Variants in FLT3 observed in about 807,000 individuals in gnomAD.
FLT3 encodes the protein fms related receptor tyrosine kinase 3.
Under a neutral mutation model 126.6 loss-of-function variants are expected in FLT3, and 46 were observed. The observed-to-expected ratio is 0.36, with a 90% CI of 0.29 to 0.46. The LOEUF (loss-of-function observed/expected upper bound fraction) is 0.46, where lower values mean the gene tolerates loss of function less well. FLT3 is among the 20% of genes least tolerant of loss of function. The pLI is 1.00. For missense variants in FLT3, 1,069 were observed against 1,190.3 expected (o/e 0.90, Z 1.50); for synonymous variants, 404 against 434.4 (o/e 0.93, Z 0.87).
chr13:28,018,527 T>C lies in FLT3; in HGVS notation c.2481A>G (p.Ile827Met), dbSNP rs1872093904. 6.2e-7 allele frequency: 1 copy of C among 1,614,084 alleles called. No homozygotes were observed. Among genetic ancestry groups the C allele is most frequent in the Non-Finnish European group, 8.5e-7 (1 of 1,180,008 alleles). Reference sequence around the variant, plus strand: ...TATCTCGAGCCAATCCAAAGTCACATATCTTCACCACTTTCCCGTGGGTGA... The same window carrying C: ...TATCTCGAGCCAATCCAAAGTCACACATCTTCACCACTTTCCCGTGGGTGA... ...VLVTHGKVVK[I>M]CDFGLARDIM... The change falls in exon 20 of 24, where the codon ATA becomes ATG. Residue 827 changes from isoleucine to methionine, a missense_variant. Ile to Met is a conservative substitution (Grantham distance 10, BLOSUM62 1). Transcript: ENST00000241453.
intron 17 of FLT3, 125 bp from the exon 18 acceptor site, chr13:28,025,068 C>T (rs1211577092): frequency 4.1e-5 from 27 of 656,820 alleles, no homozygotes; most frequent in Non-Finnish European, 6.5e-5. Context: ...TAAAAGCACA[C>T]CATCCATTTG....
rs559082553 is a variant in FLT3, at chr13:28,044,764, T to A, written c.1205+3511A>T. Among the ~76,000 whole-genome samples the A allele has an allele frequency of 2.6e-4, 40 of 152,282 alleles. 1 individual carries two copies. The highest frequency in any genetic ancestry group is 1.8e-3 in the Admixed American group (27 of 15,298). Reference sequence around the variant, plus strand: ...CTCTTCAAGAACTTTCAAATAACAATAAACACTGAGTACTGGGTGTTGTGC... The same window carrying A: ...CTCTTCAAGAACTTTCAAATAACAAAAAACACTGAGTACTGGGTGTTGTGC... On this transcript the variant is annotated intron_variant, in intron 9 of 23. Transcript: ENST00000241453.
intron 2 of FLT3, among the ~76,000 whole-genome samples, chr13:28,068,590 C>T (rs1358776939): frequency 6.6e-6 from 1 of 152,086 alleles, no homozygotes; most frequent in African/African-American, 2.4e-5. Context: ...GTAATCCCAA[C>T]ACTTTGGGAG....
intron 9 of FLT3, among the ~76,000 whole-genome samples, chr13:28,047,677 A>G (rs1424606240): frequency 2.7e-5 from 4 of 148,788 alleles, no homozygotes; most frequent in African/African-American, 9.9e-5. Flanking sequence ...GCACCACTGC[A>G]CTATAGCCTA....
chr13:28,083,951 T>C (rs1335946334), intron 1 of FLT3, among the ~76,000 whole-genome samples: 3 of 152,060 alleles, frequency 2.0e-5, no homozygotes, highest in African/African-American at 7.2e-5. Context: ...TAATTTCTAA[T>C]TTTTTTGTTT....
chr13:28,042,617 C>CA (rs766838625), intron 9 of FLT3, among the ~76,000 whole-genome samples: 88 of 152,258 alleles, frequency 5.8e-4, no homozygotes, highest in Non-Finnish European at 7.3e-4. Context: ...TGAGGTAATA[C>CA]ACCTATAGGA....
intron 1 of FLT3, among the ~76,000 whole-genome samples, chr13:28,097,144 A>T (rs573699309): frequency 6.6e-6 from 1 of 152,170 alleles, no homozygotes; most frequent in South Asian, 2.1e-4. Flanking sequence ...TGAGCCCAGG[A>T]GGTTGAAGCT....
chr13:28,073,017 AC>A (rs1352248432), intron 1 of FLT3, among the ~76,000 whole-genome samples: 3 of 150,416 alleles, frequency 2.0e-5, no homozygotes, highest in Admixed American at 1.3e-4. Context: ...AAAAAAAAAA[AC>A]AACAACAACA....
At chr13:28,072,174 G>A (rs1566097824) in intron 1 of FLT3, among the ~76,000 whole-genome samples, 1 of 150,302 alleles carries the variant, frequency 6.7e-6, no homozygotes, top group Non-Finnish European at 1.5e-5. Flanking sequence ...TATAATGTGT[G>A]TATGTATATG....
chr13:28,098,895 T>C (rs1467852282), intron 1 of FLT3, among the ~76,000 whole-genome samples: 1 of 152,050 alleles, frequency 6.6e-6, no homozygotes, highest in Non-Finnish European at 1.5e-5. Flanking sequence ...TACATGAAGT[T>C]CAAACATAGG....
At chr13:28,036,919 G>A (rs546333061) in intron 10 of FLT3, among the ~76,000 whole-genome samples, 1 of 152,186 alleles carries the variant, frequency 6.6e-6, no homozygotes, top group Non-Finnish European at 1.5e-5. Context: ...GAAGCTACAG[G>A]GATCTATGAT....
chr13:28,036,951 G>A (rs1283376510), intron 10 of FLT3, among the ~76,000 whole-genome samples: 1 of 152,214 alleles, frequency 6.6e-6, no homozygotes, highest in East Asian at 1.9e-4. Flanking sequence ...ACCCCAGCCT[G>A]CGTGGTAGAG....
chr13:28,091,484 G>A (rs1388072931), intron 1 of FLT3, among the ~76,000 whole-genome samples: 7 of 151,378 alleles, frequency 4.6e-5, no homozygotes, highest in African/African-American at 1.7e-4. Context: ...GCCTCCCAAA[G>A]TGCTGGGATT....
rs1226871024 is a variant in FLT3 at position 28,049,700 on chromosome 13, T to C, written c.817A>G (p.Lys273Glu). ...KVGEPLWIRC[K>E]AVHVNHGFGL... ...AATCCATGGTTCACATGAACAGCTT[T>C]GCACCTTATCCATAAGGGTTCCCCT... Residue 273 changes from lysine (K) to glutamate (E), a missense_variant, in exon 7 of 24, where the codon AAA (lysine) becomes GAA (glutamate). By Grantham distance (56) the Lys-to-Glu change is moderately conservative (BLOSUM62 1). Coordinates refer to ENST00000241453, the MANE Select transcript of FLT3 (RefSeq NM_004119.3). The C allele has an allele frequency of 6.2e-7, 1 of 1,614,200 alleles. No individual in the cohort carries two copies. The highest frequency in any genetic ancestry group is 1.1e-5 in the South Asian group (1 of 91,078).
chr13:28,003,880 C>T lies in FLT3; in HGVS notation c.*172G>A. 2 of 703,710 alleles carry T rather than the reference C, an allele frequency of 2.8e-6. No homozygotes were observed. Among genetic ancestry groups the T allele is most frequent in the Non-Finnish European group, 4.7e-6 (2 of 429,832 alleles). The allele number at this position is 703,710 out of a possible 1,614,324, so 43.6% of individuals were successfully genotyped here. On this transcript the variant is annotated 3_prime_UTR_variant, in exon 24 of 24. Transcript: ENST00000241453. ...CTTGTGACAGGATGATTTGATTTTA[C>T]AAAAGTCCCTTTGAAAACAAGAGTA...
rs147243484 is a variant in FLT3, at chr13:28,028,522, C to T, written c.1943-234G>A. 6.0e-3 allele frequency among the ~76,000 whole-genome samples: 905 copies of T among 151,978 alleles called. 9 individuals are homozygous for T. The highest frequency in any genetic ancestry group is 0.02 in the African/African-American group (840 of 41,426). ...GACTGGCCTGGCCAATATGGTGAAACCTCGTCTCTACTAAAAATACAAAAA... is the reference window on the plus strand; with the variant it reads ...GACTGGCCTGGCCAATATGGTGAAATCTCGTCTCTACTAAAAATACAAAAA... On this transcript the variant is annotated intron_variant, in intron 15 of 23. Transcript: ENST00000241453.
intron 5 of FLT3, among the ~76,000 whole-genome samples, chr13:28,051,548 T>C (rs9513007): frequency 5.2e-5 from 5 of 96,312 alleles, no homozygotes; most frequent in Non-Finnish European, 5.8e-5. Context: ...ATAATTTCCC[T>C]TTTTTTTTTT....
At chr13:28,037,762 G>A (rs1370343709) in intron 9 of FLT3, among the ~76,000 whole-genome samples, 3 of 152,126 alleles carry the variant, frequency 2.0e-5, no homozygotes, top group Non-Finnish European at 4.4e-5. Context: ...TTAGGAAAGG[G>A]GCCACACAGC....
intron 2 of FLT3, chr13:28,068,450 A>G (rs1877221628): frequency 6.6e-6 from 1 of 150,920 alleles, no homozygotes; most frequent in Non-Finnish European, 1.5e-5. Flanking sequence ...GTGGGCGGAT[A>G]ACCTGAGGTC....
Sources: allele counts gnomAD v4.1 joint callset (sites outside exome capture counted in the v4.1 genomes callset), GRCh38; gene constraint gnomAD v4.1.1; transcripts MANE v1.5; gene names NCBI Gene and HGNC (gene_info 2026-07-23, HGNC 2026-07-21).